Variants in HYDIN observed in about 807,000 individuals in gnomAD.
The protein encoded by HYDIN is axonemal central pair apparatus protein HYDIN.
Under a neutral mutation model 403.9 loss-of-function variants are expected in HYDIN, and 132 were observed. That is an observed-to-expected ratio of 0.33 (90% CI 0.28 to 0.38). The LOEUF (loss-of-function observed/expected upper bound fraction) is 0.38. HYDIN is among the 10% of genes least tolerant of loss of function. HYDIN has a pLI of 1.00. For missense variants in HYDIN, 2,827 were observed against 5,009.5 expected, an observed-to-expected ratio of 0.56 and a Z score of 13.15; for synonymous variants, 1,202 against 1,891.7, an observed-to-expected ratio of 0.64 and a Z score of 9.46.
chr16:70,955,473 T>G lies in HYDIN; in HGVS notation c.6218A>C (p.Glu2073Ala), dbSNP rs1336242216. ...GATGTTGTTGCTGTTGGCCACAGCT[T>G]CCAGCACAATGGAGTCGATGCTCAG... is the stretch of plus-strand genomic sequence containing the variant. ...ACLSIDSIVL[E>A]AVANSNNIPG... The change falls in exon 40 of 86, where the codon GAA becomes GCA. Residue 2073 changes from glutamate to alanine, a missense_variant. Glu to Ala is a moderately radical substitution (Grantham distance 107, BLOSUM62 -1). Transcript: ENST00000393567. 1 of 1,612,170 alleles carries G rather than the reference T, an allele frequency of 6.2e-7. No homozygotes were observed. Among genetic ancestry groups the G allele is most frequent in the Non-Finnish European group, 8.5e-7 (1 of 1,178,458 alleles).
intron 80 of HYDIN, 23 bp from the exon 81 acceptor site, chr16:70,829,853 T>C: frequency 6.2e-7 from 1 of 1,608,600 alleles, no homozygotes; most frequent in African/African-American, 1.3e-5. Flanking sequence ...AGGCACCTCA[T>C]CTTCCATGGC....
Position 71,063,640 on chromosome 16 carries a change from A to C in HYDIN, c.2211+1065T>G, listed in dbSNP as rs578056527. Reference sequence around the variant, plus strand: ...GTTAGACCTTGTCTCCTGTCACCCTAACCCTTGGCTTCTAGTTCTGTCTCA... The same window carrying C: ...GTTAGACCTTGTCTCCTGTCACCCTCACCCTTGGCTTCTAGTTCTGTCTCA... On this transcript the variant is annotated intron_variant, in intron 16 of 85. Coordinates refer to ENST00000393567, the MANE Select transcript of HYDIN (RefSeq NM_001270974.2). Among the ~76,000 whole-genome samples the C allele has an allele frequency of 2.6e-5, 4 of 152,194 alleles. No individual in the cohort carries two copies. In the South Asian group the frequency reaches 8.3e-4, roughly 32 times the overall value.
Position 71,057,108 on chromosome 16 carries a change from C to G in HYDIN, c.2529+3396G>C, listed in dbSNP as rs570899181. Among the ~76,000 whole-genome samples, 1,054 of 110,536 alleles carry G rather than the reference C, an allele frequency of 9.5e-3. 2 individuals are homozygous for G. The highest frequency in any genetic ancestry group is 0.015 in the Non-Finnish European group (767 of 52,604). 72.5% of individuals were successfully genotyped at this position (110,536 alleles called of 152,430 possible). A position where few individuals can be genotyped will look rare whatever the true frequency, so the allele number is the denominator to read the frequency against. On this transcript the variant is annotated intron_variant, in intron 18 of 85. Coordinates refer to ENST00000393567, the MANE Select transcript of HYDIN (RefSeq NM_001270974.2). ...CTCACTGGACAGAGATTGACTCTTCCTCTCCCAGCATCAACTCGGTACTGA... is the reference window on the plus strand; with the variant it reads ...CTCACTGGACAGAGATTGACTCTTCGTCTCCCAGCATCAACTCGGTACTGA...
At position 71,031,632 on chromosome 16, in the gene HYDIN, G is replaced by A. The variant is rs773623486; in HGVS notation, c.2768+47C>T. The stretch of plus-strand genomic sequence containing the variant: ...AAAGTAGAGGTGATGCTCAGCATAT[G>A]TAACATATGTGATATCTATAAAAAC... On this transcript the variant is annotated intron_variant, in intron 19 of 85. Transcript: ENST00000393567. 15 of 1,567,720 alleles carry A rather than the reference G, an allele frequency of 9.6e-6. 1 individual carries two copies. The highest frequency in any genetic ancestry group is 1.8e-4 in the Middle Eastern group (1 of 5,472).
chr16:71,104,080 A>T (rs1478169383), intron 10 of HYDIN, among the ~76,000 whole-genome samples: 3 of 151,858 alleles, frequency 2.0e-5, no homozygotes, highest in African/African-American at 7.2e-5. Context: ...TATAGATCTC[A>T]TATCCTGCAA....
chr16:71,137,792 G>A (rs2084990444), intron 7 of HYDIN, among the ~76,000 whole-genome samples: 1 of 151,900 alleles, frequency 6.6e-6, no homozygotes, highest in Non-Finnish European at 1.5e-5. Context: ...GAGAATTTAA[G>A]TCCATTTGAG....
chr16:70,846,397 G>T (rs1234041426), intron 75 of HYDIN, among the ~76,000 whole-genome samples: 2 of 151,730 alleles, frequency 1.3e-5, no homozygotes, highest in Admixed American at 6.6e-5. Flanking sequence ...TTGCACTGTG[G>T]TCTAAGAAAT....
chr16:70,904,490 T>C (rs2076475748), intron 50 of HYDIN, among the ~76,000 whole-genome samples: 1 of 42,680 alleles, frequency 2.3e-5, no homozygotes, highest in Non-Finnish European at 4.3e-5. Flanking sequence ...TTTTTTTTTT[T>C]TTTTTTTTTT....
intron 80 of HYDIN, 77 bp downstream of exon 80, chr16:70,832,771 G>C: frequency 4.1e-6 from 5 of 1,224,992 alleles, no homozygotes; most frequent in Non-Finnish European, 5.9e-6. Flanking sequence ...AGGCCTGCCT[G>C]TTTGAAGGAG....
At position 71,062,658 on chromosome 16, in the gene HYDIN, C is replaced by T. The variant is rs1473125289; in HGVS notation, c.2212-325G>A. On this transcript the variant is annotated intron_variant, in intron 16 of 85. Transcript: ENST00000393567. Reference sequence around the variant, plus strand: ...CACTTTCCAAGTTCCTTAACCTGGCCCTCTGCACCCTCACGCATCATCCCC... The same window carrying T: ...CACTTTCCAAGTTCCTTAACCTGGCTCTCTGCACCCTCACGCATCATCCCC... 7 of 201,104 alleles carry T rather than the reference C, an allele frequency of 3.5e-5. No individual in the cohort carries two copies. In the Admixed American group the frequency reaches 3.9e-4, roughly 11 times the overall value. The allele number at this position is 201,104 out of a possible 1,614,324, so 12.5% of individuals were successfully genotyped here.
intron 70 of HYDIN, 37 bp from the exon 71 acceptor site, chr16:70,860,243 G>T (rs1463284310): frequency 1.3e-6 from 2 of 1,594,864 alleles, no homozygotes; most frequent in Non-Finnish European, 1.7e-6. Flanking sequence ...AAGAGAGTGG[G>T]ACAGGGGATT....
intron 18 of HYDIN, among the ~76,000 whole-genome samples, chr16:71,049,653 T>C (rs1176729035): frequency 2.6e-5 from 4 of 151,760 alleles, no homozygotes; most frequent in Non-Finnish European, 5.9e-5. Flanking sequence ...GAACAATCAA[T>C]AGTGCAAACT....
intron 58 of HYDIN, among the ~76,000 whole-genome samples, chr16:70,885,879 T>C (rs1203443800): frequency 2.0e-5 from 3 of 151,798 alleles, no homozygotes; most frequent in African/African-American, 4.9e-5. Flanking sequence ...AAAACCCAGT[T>C]CACTTCAATC....
chr16:71,197,665 T>C (rs1367501079), intron 1 of HYDIN, among the ~76,000 whole-genome samples: 1 of 152,190 alleles, frequency 6.6e-6, no homozygotes, highest in Non-Finnish European at 1.5e-5. Flanking sequence ...AAGACCCCTC[T>C]CACCCGTAGA....
intron 30 of HYDIN, among the ~76,000 whole-genome samples, chr16:70,978,555 T>A (rs1044742001): frequency 2.0e-4 from 31 of 152,172 alleles, no homozygotes; most frequent in African/African-American, 6.7e-4. Context: ...CAAGTTCCTG[T>A]CCCCTCAAAG....
chr16:71,226,236 C>A (rs1034878652), intron 1 of HYDIN, among the ~76,000 whole-genome samples: 4 of 152,150 alleles, frequency 2.6e-5, no homozygotes, highest in Non-Finnish European at 5.9e-5. Context: ...AAAAATTATT[C>A]ATATTTTTCT....
chr16:70,899,978 C>A lies in HYDIN; in HGVS notation c.9048+1026G>T, dbSNP rs563049190. Among the ~76,000 whole-genome samples, 53 of 151,586 alleles carry A rather than the reference C, an allele frequency of 3.5e-4. No homozygotes were observed. The East Asian group carries it at 8.1e-3, about 23-fold the overall frequency. On this transcript the variant is annotated intron_variant, in intron 53 of 85. Coordinates refer to ENST00000393567, the MANE Select transcript of HYDIN (RefSeq NM_001270974.2). ...GCATTGTCTCAGAGGCAGGTGAGGA[C>A]CCCGGGCTTTATTCCTACTGCAGTG...
intron 1 of HYDIN, among the ~76,000 whole-genome samples, chr16:71,195,023 C>G (rs1373923960): frequency 2.0e-5 from 3 of 152,170 alleles, no homozygotes; most frequent in African/African-American, 7.2e-5. Flanking sequence ...TGCACAACAT[C>G]TATTAGTCAC....
At chr16:70,940,367 A>G (rs2077631406) in intron 43 of HYDIN, among the ~76,000 whole-genome samples, 1 of 151,986 alleles carries the variant, frequency 6.6e-6, no homozygotes, top group Non-Finnish European at 1.5e-5. Context: ...ATAATCACAG[A>G]TAAGAATAAT....
Sources: gnomAD v4.1 joint callset for allele counts (sites outside exome capture counted in the v4.1 genomes callset) on GRCh38, gnomAD v4.1.1 for gene constraint, MANE v1.5 for transcripts, NCBI Gene and HGNC (gene_info 2026-07-23, HGNC 2026-07-21) for gene names.